The following UTRN variants were observed in gnomAD, a reference collection of about 807,000 sequenced individuals.
The protein encoded by UTRN is utrophin, also known as dystrophin-related protein 1.
In UTRN, 283 loss-of-function variants were observed where a neutral mutation model predicts 463.9. The ratio of observed to expected loss-of-function variants is 0.61; its 90% CI spans 0.55 to 0.67. The LOEUF (loss-of-function observed/expected upper bound fraction) is 0.67, where lower values mean the gene tolerates loss of function less well. Ranked by LOEUF, UTRN falls within the 30% of genes least tolerant of loss-of-function variation. UTRN has a pLI of 0.00. For missense variants in UTRN, 3,922 were observed against 4,084.3 expected, an observed-to-expected ratio of 0.96 and a Z score of 1.08; for synonymous variants, 1,442 against 1,431.5, an observed-to-expected ratio of 1.01 and a Z score of -0.17.
chr6:144,620,995 G>A (rs1775310121), intron 51 of UTRN, among the ~76,000 whole-genome samples: 1 of 152,120 alleles, frequency 6.6e-6, no homozygotes, highest in Non-Finnish European at 1.5e-5. Flanking sequence ...GTTAATGATT[G>A]AGTGTGTGAT....
At chr6:144,383,362 A>C (rs1432528591) in intron 2 of UTRN, among the ~76,000 whole-genome samples, 1 of 152,222 alleles carries the variant, frequency 6.6e-6, no homozygotes, top group African/African-American at 2.4e-5. Context: ...GATTGAGTTT[A>C]GCTGCAAGTA....
chr6:144,536,291 T>C (rs940183165), intron 43 of UTRN, among the ~76,000 whole-genome samples: 1 of 152,204 alleles, frequency 6.6e-6, no homozygotes, highest in Non-Finnish European at 1.5e-5. Flanking sequence ...GTCATGATCT[T>C]GAAACATTGG....
At chr6:144,337,329 A>G (rs890442506) in intron 2 of UTRN, among the ~76,000 whole-genome samples, 2 of 152,070 alleles carry the variant, frequency 1.3e-5, no homozygotes, top group African/African-American at 4.8e-5. Context: ...GTGTGCCCCT[A>G]TTACTACCTC....
chr6:144,708,303 AC>A, intron 53 of UTRN: 1 of 666,692 alleles, frequency 1.5e-6, no homozygotes, highest in Admixed American at 1.8e-5. Context: ...CTTTTACAAG[AC>A]CATGTATAAA....
intron 33 of UTRN, among the ~76,000 whole-genome samples, chr6:144,499,021 A>G (rs886862600): frequency 2.6e-5 from 4 of 152,142 alleles, no homozygotes; most frequent in Non-Finnish European, 5.9e-5. Context: ...CACTTAGGAA[A>G]TTAATGATAG....
intron 34 of UTRN, among the ~76,000 whole-genome samples, chr6:144,508,771 C>A (rs567632141): frequency 1.3e-5 from 2 of 152,136 alleles, no homozygotes; most frequent in Non-Finnish European, 2.9e-5. Flanking sequence ...TGGTGTATTT[C>A]GTGAGGTAAG....
intron 57 of UTRN, among the ~76,000 whole-genome samples, chr6:144,757,544 T>A (rs957492252): frequency 6.6e-6 from 1 of 152,106 alleles, no homozygotes; most frequent in Non-Finnish European, 1.5e-5. Flanking sequence ...TCTTGAAAAA[T>A]CTAATTTTTA....
intron 61 of UTRN, among the ~76,000 whole-genome samples, chr6:144,782,532 A>G (rs1393304062): frequency 6.6e-6 from 1 of 151,966 alleles, no homozygotes; most frequent in Non-Finnish European, 1.5e-5. Context: ...TCTGCTCTAC[A>G]ATCTTTGTAA....
intron 19 of UTRN, among the ~76,000 whole-genome samples, chr6:144,456,890 C>T (rs913228749): frequency 1.3e-5 from 2 of 151,864 alleles, no homozygotes; most frequent in African/African-American, 4.8e-5. Flanking sequence ...GGTGAAGGTC[C>T]TATGTTTTGT....
chr6:144,483,005 G>A (rs80284240), intron 27 of UTRN, among the ~76,000 whole-genome samples: 4 of 151,766 alleles, frequency 2.6e-5, no homozygotes, highest in Non-Finnish European at 5.9e-5. Context: ...TATGACTTTT[G>A]TTATTGCTTG....
intron 35 of UTRN, among the ~76,000 whole-genome samples, chr6:144,512,035 G>A (rs1795221206): frequency 6.6e-6 from 1 of 151,856 alleles, no homozygotes; most frequent in African/African-American, 2.4e-5. Flanking sequence ...GAAGAGCATG[G>A]GCTTTGCTCT....
chr6:144,462,686 T>C lies in UTRN; in HGVS notation c.2886T>C (p.Pro962=). 6.2e-7 allele frequency: 1 copy of C among 1,602,660 alleles called. No individual in the cohort carries two copies. Among genetic ancestry groups the C allele is most frequent in the African/African-American group, 1.3e-5 (1 of 74,088 alleles). ...ATGAAATCCTTGAGAATCAGAAACC[T>C]GCATTACATAAACTTGCAGAAGAAA... ...TLDEILENQK[P]ALHKLAEETK... Residue 962 remains proline, a synonymous_variant, in exon 23 of 75, where the codon CCT becomes CCC. Transcript: ENST00000367545.
chr6:144,763,739 C>T (rs932855460), intron 58 of UTRN, among the ~76,000 whole-genome samples: 1 of 152,058 alleles, frequency 6.6e-6, no homozygotes, highest in Non-Finnish European at 1.5e-5. Flanking sequence ...ACAGCAACAA[C>T]GAAGAATTAA....
At chr6:144,369,823 A>G (rs1779824741) in intron 2 of UTRN, among the ~76,000 whole-genome samples, 1 of 152,056 alleles carries the variant, frequency 6.6e-6, no homozygotes, top group South Asian at 2.1e-4. Context: ...GTCTCATGAG[A>G]TCTAATGGTT....
chr6:144,643,266 TA>T (rs1241056473), intron 51 of UTRN, among the ~76,000 whole-genome samples: 1 of 151,994 alleles, frequency 6.6e-6, no homozygotes, highest in Non-Finnish European at 1.5e-5. Flanking sequence ...TGGAAGTTGG[TA>T]GGGGGGACTT....
intron 33 of UTRN, among the ~76,000 whole-genome samples, chr6:144,495,089 A>G (rs986900459): frequency 2.6e-5 from 4 of 152,236 alleles, no homozygotes; most frequent in Non-Finnish European, 5.9e-5. Flanking sequence ...GGCTTCACCC[A>G]GTGGATCCCG....
At chr6:144,498,118 A>G (rs1302998400) in intron 33 of UTRN, among the ~76,000 whole-genome samples, 1 of 152,272 alleles carries the variant, frequency 6.6e-6, no homozygotes, top group African/African-American at 2.4e-5. Flanking sequence ...TGATGTCCAC[A>G]TAAACATATT....
chr6:144,617,447 G>A (rs1806250908), intron 51 of UTRN, among the ~76,000 whole-genome samples: 1 of 152,150 alleles, frequency 6.6e-6, no homozygotes, highest in African/African-American at 2.4e-5. Context: ...GTTTGCGTTT[G>A]GCAATAAATT....
At chr6:144,479,660 G>A (rs766127639) in intron 25 of UTRN, 152 bp from the exon 26 acceptor site, 26 of 854,722 alleles carry the variant, frequency 3.0e-5, no homozygotes, top group South Asian at 1.2e-4. Flanking sequence ...ATTCCACAGC[G>A]TTAGCATGAG....
Sources: gnomAD v4.1 joint callset for allele counts (sites outside exome capture counted in the v4.1 genomes callset) on GRCh38, gnomAD v4.1.1 for gene constraint, MANE v1.5 for transcripts, NCBI Gene and HGNC (gene_info 2026-07-23, HGNC 2026-07-21) for gene names.